The following FN3K variants were observed in gnomAD, a reference collection of about 807,000 sequenced individuals.
FN3K encodes the protein fructosamine 3 kinase, also known as fructosamine-3-kinase.
A neutral mutation model predicts 24.8 loss-of-function variants in FN3K; 24 were observed. The observed-to-expected ratio is 0.97, with a 90% confidence interval of 0.70 to 1.36. The LOEUF (loss-of-function observed/expected upper bound fraction) is 1.36, where lower values mean the gene tolerates loss of function less well. FN3K is among the 40% of genes most tolerant of loss of function. The pLI is 0.00. For missense variants in FN3K, 449 were observed against 416.7 expected (o/e 1.08, Z -0.67); for synonymous variants, 192 against 175.2 (o/e 1.10, Z -0.76).
chr17:82,743,624 C>G (rs754181161), intron 4 of FN3K, among the ~76,000 whole-genome samples: 1 of 152,240 alleles, frequency 6.6e-6, no homozygotes, highest in Non-Finnish European at 1.5e-5. Flanking sequence ...GCTCTGTACA[C>G]TGCCACATAC....
At chr17:82,748,999 C>T in intron 5 of FN3K, 22 bp downstream of exon 5, 1 of 1,614,048 alleles carries the variant, frequency 6.2e-7, no homozygotes, top group Non-Finnish European at 8.5e-7. Context: ...AGTGACTTCT[C>T]TGGGAAAGAG....
At chr17:82,740,443 A>AAAAAC (rs2046934849) in intron 2 of FN3K, among the ~76,000 whole-genome samples, 1 of 146,990 alleles carries the variant, frequency 6.8e-6, no homozygotes, top group African/African-American at 2.5e-5. Flanking sequence ...AAAAAAAAAA[A>AAAAAC]AAGCCAGGAA....
In FN3K at chr17:82,735,700, G is replaced by A; in HGVS notation, c.64G>A (p.Ala22Thr). ...CCTGCGGGCCTTCGGCGGCCCCGGC[G>A]CCGGCTGCATCAGCGAGGGCCGAGC... Reference protein sequence around the residue: ...ATLRAFGGPGAGCISEGRAYD... With the variant: ...ATLRAFGGPGTGCISEGRAYD... Residue 22 changes from alanine (A) to threonine (T), a missense_variant, in exon 1 of 6, where the codon GCC (alanine) becomes ACC (threonine). Physicochemically the swap from Ala to Thr is moderately conservative, Grantham distance 58 (BLOSUM62 0). Transcript: ENST00000300784. 6.5e-7 allele frequency: 1 copy of A among 1,545,766 alleles called. No individual in the cohort carries two copies. The highest frequency in any genetic ancestry group is 2.2e-4 in the Middle Eastern group (1 of 4,542).
chr17:82,740,296 A>G (rs1200276840), intron 2 of FN3K, among the ~76,000 whole-genome samples: 2 of 151,966 alleles, frequency 1.3e-5, no homozygotes, highest in Non-Finnish European at 2.9e-5. Flanking sequence ...CACTTGGTTA[A>G]TTCCTGTTTG....
rs1056534 is a variant in FN3K, at chr17:82,750,725, C to G, written c.900C>G (p.Ser300=). 986,331 of 1,612,850 alleles carry G rather than the reference C, an allele frequency of 0.61. 302,159 individuals carry two copies. The highest frequency in any genetic ancestry group is 0.66 in the African/African-American group (49,087 of 74,820). Residue 300 remains serine, a synonymous_variant, in exon 6 of 6, where the codon TCC becomes TCG. Coordinates refer to ENST00000300784, the MANE Select transcript of FN3K (RefSeq NM_022158.4). ...NHFGREYRSP[S]LGTMRRLLK ...TCGGGCGGGAGTACAGGAGCCCTTC[C>G]TTGGGCACCATGCGAAGGCTGCTCA...
chr17:82,742,197 G>A (rs1293505107), intron 4 of FN3K, among the ~76,000 whole-genome samples: 4 of 152,034 alleles, frequency 2.6e-5, no homozygotes, highest in Non-Finnish European at 4.4e-5. Flanking sequence ...GAGCCACCGC[G>A]CCTGGACTTA....
At chr17:82,741,073 G>C in intron 3 of FN3K, 2 of 659,472 alleles carry the variant, frequency 3.0e-6, no homozygotes, top group Non-Finnish European at 5.5e-6. Flanking sequence ...CAGCCCTCCT[G>C]TCTGGTGTGC....
rs1186911465 is a variant in FN3K at position 82,750,668 on chromosome 17, G to A, written c.843G>A (p.Gln281=). The A allele has an allele frequency of 6.2e-7, 1 of 1,613,932 alleles. No individual in the cohort carries two copies. Among genetic ancestry groups the A allele is most frequent in the Admixed American group, 1.7e-5 (1 of 60,028 alleles). ...PGFDQRLLLY[Q]LFNYLNHWNH... is the part of the protein sequence containing the mutation. ...TCGACCAGCGGCTGCTGCTCTACCAGCTGTTTAACTACCTGAACCACTGGA... is the reference window on the plus strand; with the variant it reads ...TCGACCAGCGGCTGCTGCTCTACCAACTGTTTAACTACCTGAACCACTGGA... Residue 281 remains glutamine, a synonymous_variant, in exon 6 of 6, where the codon CAG becomes CAA. Coordinates refer to ENST00000300784, the MANE Select transcript of FN3K (RefSeq NM_022158.4).
chr17:82,738,952 T>A (rs1433527199), intron 2 of FN3K, among the ~76,000 whole-genome samples: 32 of 109,074 alleles, frequency 2.9e-4, no homozygotes, highest in African/African-American at 8.2e-4. Flanking sequence ...ATATATTTTT[T>A]TTTTTTTTGA....
chr17:82,750,673 TTAAC>T lies in FN3K; in HGVS notation c.851_854del (p.Asn284ThrfsTer2). The T allele has an allele frequency of 6.2e-7, 1 of 1,613,854 alleles. No individual in the cohort carries two copies. Among genetic ancestry groups the T allele is most frequent in the Non-Finnish European group, 8.5e-7 (1 of 1,179,972 alleles). On this transcript the variant is annotated frameshift_variant, in exon 6 of 6. Transcript: ENST00000300784. LOFTEE classifies it low-confidence loss of function (END_TRUNC). ...CAGCGGCTGCTGCTCTACCAGCTGT[TTAAC>T]TACCTGAACCACTGGAACCACTTCG...
At chr17:82,742,107 G>T (rs1212261002) in intron 4 of FN3K, among the ~76,000 whole-genome samples, 1 of 152,096 alleles carries the variant, frequency 6.6e-6, no homozygotes, top group African/African-American at 2.4e-5. Flanking sequence ...GGGGTTTCAT[G>T]TTGACCAGGC....
chr17:82,750,311 G>A, intron 5 of FN3K, 106 bp from the exon 6 acceptor site: 1 of 991,482 alleles, frequency 1.0e-6, no homozygotes, highest in South Asian at 1.4e-5. Flanking sequence ...TGCTGGGGCT[G>A]GACACCGAAG....
At chr17:82,736,676 G>C (rs910733538) in intron 1 of FN3K, among the ~76,000 whole-genome samples, 9 of 152,202 alleles carry the variant, frequency 5.9e-5, no homozygotes, top group African/African-American at 1.9e-4. Flanking sequence ...ACACTCTGGT[G>C]GGGGAGCTCT....
rs575370393 is a variant in FN3K, at chr17:82,746,815, T to A, written c.469-2040T>A. Among the ~76,000 whole-genome samples the A allele has an allele frequency of 7.9e-5, 12 of 151,426 alleles. No homozygotes were observed. In the South Asian group the frequency reaches 2.1e-3, roughly 27 times the overall value. On this transcript the variant is annotated intron_variant, in intron 4 of 5. Coordinates refer to ENST00000300784, the MANE Select transcript of FN3K (RefSeq NM_022158.4). ...ACAAAACTTGGTCTCAAAAAAAAAA[T>A]TTCCTTATTATCCTTTTTATTGTTG...
At chr17:82,744,275 G>A (rs1186819278) in intron 4 of FN3K, among the ~76,000 whole-genome samples, 4 of 152,174 alleles carry the variant, frequency 2.6e-5, no homozygotes, top group East Asian at 1.9e-4. Context: ...AATCAGCTTC[G>A]TATTTTTCTC....
intron 4 of FN3K, among the ~76,000 whole-genome samples, chr17:82,743,547 C>A (rs1186947605): frequency 6.6e-6 from 1 of 152,180 alleles, no homozygotes; most frequent in Non-Finnish European, 1.5e-5. Context: ...GCGGCGGGCT[C>A]CTCAGACACC....
In FN3K at chr17:82,748,901, G is replaced by T; in HGVS notation, c.515G>T (p.Arg172Leu). ...DDWPTFFARH[R>L]LQAQLDLIEK... is the part of the protein sequence containing the mutation. ...TGGCCGACCTTTTTCGCCCGGCACC[G>T]GCTCCAGGCGCAGCTGGACCTCATT... Residue 172 changes from arginine to leucine, a missense_variant, in exon 5 of 6, where the codon CGG becomes CTG. Coordinates refer to ENST00000300784, the MANE Select transcript of FN3K (RefSeq NM_022158.4). 4.3e-6 allele frequency: 7 copies of T among 1,613,892 alleles called. No individual in the cohort carries two copies. Among genetic ancestry groups the T allele is most frequent in the Non-Finnish European group, 5.9e-6 (7 of 1,180,004 alleles).
chr17:82,743,715 C>A (rs944620044), intron 4 of FN3K, among the ~76,000 whole-genome samples: 1 of 152,232 alleles, frequency 6.6e-6, no homozygotes, highest in Non-Finnish European at 1.5e-5. Context: ...GTCACTGATC[C>A]GTTTTATAGA....
intron 2 of FN3K, among the ~76,000 whole-genome samples, chr17:82,738,944 A>ATATATACGTATATATATATACG (rs2046924132): frequency 1.2e-5 from 1 of 83,060 alleles, no homozygotes; most frequent in African/African-American, 5.5e-5. Flanking sequence ...ATATATATAT[A>ATATATACGTATATATATATACG]TATTTTTTTT....
Sources: gnomAD v4.1 joint callset for allele counts (sites outside exome capture counted in the v4.1 genomes callset) on GRCh38, gnomAD v4.1.1 for gene constraint, MANE v1.5 for transcripts, NCBI Gene and HGNC (gene_info 2026-07-23, HGNC 2026-07-21) for gene names.